GNAL: variants seen among roughly 807,000 people sequenced by gnomAD.
GNAL encodes the protein G protein subunit alpha L, also known as guanine nucleotide-binding protein G(olf) subunit alpha.
In GNAL, 18 loss-of-function variants were observed where a neutral mutation model predicts 55.1. The ratio of observed to expected loss-of-function variants is 0.33; its 90% CI spans 0.23 to 0.48. GNAL has a LOEUF of 0.48. GNAL is among the 20% of genes least tolerant of loss of function. The probability of loss-of-function intolerance (pLI) is 0.99; values close to 1 mark genes in which losing one functional copy is unlikely to be tolerated. For synonymous variants in GNAL, 253 were observed against 237.0 expected (o/e 1.07, Z -0.62); for missense variants, 412 against 614.1 (o/e 0.67, Z 3.48).
chr18:11,690,204 GCT>G (rs1022581286), intron 1 of GNAL, among the ~76,000 whole-genome samples: 1 of 152,106 alleles, frequency 6.6e-6, no homozygotes, highest in Non-Finnish European at 1.5e-5. Flanking sequence ...ACTGCCGCTC[GCT>G]CTCTCTAATT....
chr18:11,808,147 G>C (rs1042252247), intron 4 of GNAL, among the ~76,000 whole-genome samples: 13 of 151,736 alleles, frequency 8.6e-5, no homozygotes, highest in African/African-American at 3.2e-4. Flanking sequence ...CCTTACTTTG[G>C]TTGAGTCACT....
At chr18:11,749,601 G>C (rs1408936699) in intron 1 of GNAL, among the ~76,000 whole-genome samples, 2 of 152,078 alleles carry the variant, frequency 1.3e-5, no homozygotes, top group Admixed American at 6.6e-5. Context: ...CTCAGCCTCC[G>C]CCCTCAAGGA....
chr18:11,708,064 T>C (rs2031755134), intron 1 of GNAL, among the ~76,000 whole-genome samples: 1 of 152,254 alleles, frequency 6.6e-6, no homozygotes, highest in Non-Finnish European at 1.5e-5. Flanking sequence ...TGTGGCTATT[T>C]CACTTTCTCG....
At position 11,843,185 on chromosome 18, in the gene GNAL, G is replaced by A. The variant is rs551176874; in HGVS notation, c.722+18170G>A. On this transcript the variant is annotated intron_variant, in intron 5 of 11. Transcript: ENST00000334049. The stretch of plus-strand genomic sequence containing the variant: ...GTACTGCAGCTGAACAACAAAGCAA[G>A]ACCCTGTCGCTAAAAAAAAAAAGAA... 4.7e-3 allele frequency among the ~76,000 whole-genome samples: 718 copies of A among 151,304 alleles called. 8 individuals are homozygous for A. Among genetic ancestry groups the A allele is most frequent in the Middle Eastern group, 0.01 (3 of 294 alleles).
chr18:11,706,885 A>G (rs1598404471), intron 1 of GNAL, among the ~76,000 whole-genome samples: 3 of 152,210 alleles, frequency 2.0e-5, no homozygotes, highest in East Asian at 1.9e-4. Context: ...GAATCCCTCA[A>G]AGCAATCCAT....
rs1413282287 is a variant in GNAL at position 11,883,854 on chromosome 18, C to CTAA, written c.*2721_*2723dup. On this transcript the variant is annotated 3_prime_UTR_variant, in exon 12 of 12. Coordinates refer to ENST00000334049, the MANE Select transcript of GNAL (RefSeq NM_182978.4). ...TATAGGCACTTGCTACCATGCTTGG[C>CTAA]TAATTTTTGTATTTCTAGCGGAGAC... 1 of 152,228 alleles carries CTAA rather than the reference C, an allele frequency of 6.6e-6. No homozygotes were observed. Among genetic ancestry groups the CTAA allele is most frequent in the African/African-American group, 2.4e-5 (1 of 41,426 alleles). The allele number at this position is 152,228 out of a possible 1,614,324, so 9.4% of individuals were successfully genotyped here.
chr18:11,777,242 T>C (rs545991625), intron 4 of GNAL, among the ~76,000 whole-genome samples: 2 of 152,318 alleles, frequency 1.3e-5, no homozygotes, highest in East Asian at 1.9e-4. Flanking sequence ...GTATCATTAC[T>C]GCTCATGTGT....
At chr18:11,812,516 C>A (rs1001567166) in intron 4 of GNAL, among the ~76,000 whole-genome samples, 1 of 152,120 alleles carries the variant, frequency 6.6e-6, no homozygotes, top group African/African-American at 2.4e-5. Context: ...TGAAAAAAAT[C>A]TGAAAAATGA....
intron 7 of GNAL, 84 bp from the exon 8 acceptor site, chr18:11,867,084 C>T: frequency 9.6e-7 from 1 of 1,045,282 alleles, no homozygotes; most frequent in South Asian, 1.3e-5. Context: ...CTGGAACCTG[C>T]TGATAGCAAA....
intron 4 of GNAL, among the ~76,000 whole-genome samples, chr18:11,781,536 A>G (rs77484766): frequency 6.6e-6 from 1 of 152,232 alleles, no homozygotes; most frequent in Non-Finnish European, 1.5e-5. Context: ...GCTTCCAAAA[A>G]AGAAAAGAGC....
intron 5 of GNAL, among the ~76,000 whole-genome samples, chr18:11,836,144 G>C (rs532607911): frequency 6.6e-6 from 1 of 151,224 alleles, no homozygotes; most frequent in Non-Finnish European, 1.5e-5. Context: ...AGGCCCTGTC[G>C]CAAAAAATAA....
intron 1 of GNAL, among the ~76,000 whole-genome samples, chr18:11,741,141 G>A (rs2032567246): frequency 6.6e-6 from 1 of 152,190 alleles, no homozygotes. Flanking sequence ...TAACTGAGTG[G>A]GAAAGGAGGT....
chr18:11,869,346 T>C (rs2036340446), intron 9 of GNAL, among the ~76,000 whole-genome samples: 1 of 151,976 alleles, frequency 6.6e-6, no homozygotes, highest in Non-Finnish European at 1.5e-5. Context: ...GGTTTCACCA[T>C]GTTAGCCAGG....
intron 4 of GNAL, among the ~76,000 whole-genome samples, chr18:11,788,908 A>ATATATATATATATATATAT (rs372490535): frequency 2.7e-5 from 2 of 73,310 alleles, no homozygotes; most frequent in East Asian, 4.8e-4. Flanking sequence ...AAAAAAAAAA[A>ATATATATATATATATATAT]AAAAAAATAT....
chr18:11,872,060 G>GT (rs1195902051), intron 9 of GNAL, among the ~76,000 whole-genome samples: 1 of 152,194 alleles, frequency 6.6e-6, no homozygotes, highest in Non-Finnish European at 1.5e-5. Context: ...TGGATTTTGT[G>GT]TTTTTGGATT....
chr18:11,799,993 T>G (rs2034482848), intron 4 of GNAL, among the ~76,000 whole-genome samples: 1 of 152,138 alleles, frequency 6.6e-6, no homozygotes, highest in Non-Finnish European at 1.5e-5. Context: ...GTCATATATC[T>G]CTACCCTTTA....
At chr18:11,728,995 A>G (rs1463193317) in intron 1 of GNAL, among the ~76,000 whole-genome samples, 1 of 152,190 alleles carries the variant, frequency 6.6e-6, no homozygotes, top group African/African-American at 2.4e-5. Flanking sequence ...TAGTAGATAA[A>G]GTCTCCAAGA....
intron 1 of GNAL, among the ~76,000 whole-genome samples, chr18:11,708,445 C>T (rs2031764494): frequency 6.6e-6 from 1 of 152,124 alleles, no homozygotes; most frequent in African/African-American, 2.4e-5. Flanking sequence ...CACCTCAAAA[C>T]AACTACAATA....
At chr18:11,844,919 G>T (rs1435364141) in intron 5 of GNAL, among the ~76,000 whole-genome samples, 2 of 152,128 alleles carry the variant, frequency 1.3e-5, no homozygotes, top group Non-Finnish European at 2.9e-5. Context: ...AGGCTGGAGT[G>T]CAATGATGTG....
Sources: allele counts gnomAD v4.1 joint callset (sites outside exome capture counted in the v4.1 genomes callset), GRCh38; gene constraint gnomAD v4.1.1; transcripts MANE v1.5; gene names NCBI Gene and HGNC (gene_info 2026-07-23, HGNC 2026-07-21).